FABP6: variants seen among roughly 807,000 people sequenced by gnomAD.
The protein encoded by FABP6 is gastrotropin.
Under a neutral mutation model 14.9 loss-of-function variants are expected in FABP6, and 13 were observed. The observed-to-expected ratio is 0.87, with a 90% confidence interval of 0.57 to 1.39. The LOEUF (loss-of-function observed/expected upper bound fraction) is 1.39, where lower values mean the gene tolerates loss of function less well. Among genes scored for constraint, FABP6 ranks in the 40% most tolerant of loss-of-function variants. FABP6 has a pLI of 0.00. For missense variants in FABP6, 161 were observed against 167.2 expected, an observed-to-expected ratio of 0.96 and a Z score of 0.20; for synonymous variants, 75 against 63.6, an observed-to-expected ratio of 1.18 and a Z score of -0.85.
At chr5:160,197,921 C>CGTGTGTGTGTGTGTGT (rs34714032) in intron 1 of FABP6, 4,414 of 126,892 alleles carry the variant, frequency 0.035, 192 homozygotes, top group Middle Eastern at 0.084. Flanking sequence ...AAGGCTGCTT[C>CGTGTGTGTGTGTGTGT]GTGTGTGTGT....
chr5:160,209,624 A>G lies in FABP6; in HGVS notation c.52-4112A>G, dbSNP rs143086561. ...TGGTATTCTACAGAGAGTCCCCACC[A>G]GCAAGAAGCCTCTCACCAGTTGTGC... On this transcript the variant is annotated intron_variant, in intron 2 of 6. Transcript: ENST00000393980. 4.6e-3 allele frequency among the ~76,000 whole-genome samples: 701 copies of G among 152,348 alleles called. 6 individuals are homozygous for G. The highest frequency in any genetic ancestry group is 0.016 in the African/African-American group (669 of 41,588).
chr5:160,203,848 C>T (rs1176957843), intron 2 of FABP6, among the ~76,000 whole-genome samples: 2 of 152,018 alleles, frequency 1.3e-5, no homozygotes, highest in African/African-American at 4.8e-5. Flanking sequence ...ATTATAGGCA[C>T]GCGCCAACAT....
intron 1 of FABP6, among the ~76,000 whole-genome samples, chr5:160,193,421 G>C (rs1007595825): frequency 7.9e-5 from 12 of 152,254 alleles, no homozygotes; most frequent in Middle Eastern, 3.4e-3. Context: ...GGCTTCCACA[G>C]TGTGGAAGGG....
chr5:160,188,469 G>C (rs1436224721), intron 1 of FABP6, among the ~76,000 whole-genome samples: 1 of 152,206 alleles, frequency 6.6e-6, no homozygotes, highest in Non-Finnish European at 1.5e-5. Context: ...TTGCTCCAAA[G>C]CCAAAGAGCG....
intron 2 of FABP6, among the ~76,000 whole-genome samples, chr5:160,201,929 A>G (rs113571380): frequency 2.4e-4 from 36 of 152,170 alleles, no homozygotes; most frequent in Middle Eastern, 3.4e-3. Flanking sequence ...CACCCAGCTA[A>G]TTTTTGTATT....
At chr5:160,188,618 G>A (rs1166644936) in intron 1 of FABP6, among the ~76,000 whole-genome samples, 1 of 152,176 alleles carries the variant, frequency 6.6e-6, no homozygotes, top group East Asian at 1.9e-4. Context: ...GCCCGGAGGT[G>A]TCGCCCCTGG....
upstream of FABP6, chr5:160,228,803 T>C (rs2113135269): frequency 3.5e-6 from 1 of 287,188 alleles, no homozygotes; most frequent in South Asian, 3.5e-5. Flanking sequence ...ACTCATTGTT[T>C]CCTTTCATCA....
chr5:160,206,387 C>T (rs1759766236), intron 2 of FABP6, among the ~76,000 whole-genome samples: 1 of 151,998 alleles, frequency 6.6e-6, no homozygotes. Context: ...GAGATCATGC[C>T]ACTCCACTCC....
At chr5:160,227,860 C>A (rs1263484555), upstream of FABP6, among the ~76,000 whole-genome samples, 1 of 94,634 alleles carries the variant, frequency 1.1e-5, no homozygotes, top group Non-Finnish European at 2.3e-5. Flanking sequence ...GTCTGTCTGT[C>A]TGTCTGTCTG....
At chr5:160,231,077 G>C (rs898403324) in intron 1 of FABP6, among the ~76,000 whole-genome samples, 8 of 152,214 alleles carry the variant, frequency 5.3e-5, no homozygotes, top group African/African-American at 1.9e-4. Context: ...GACAGCTCAA[G>C]GGGACCCGTG....
At chr5:160,200,901 GCA>G (rs1759624247) in intron 2 of FABP6, among the ~76,000 whole-genome samples, 1 of 152,138 alleles carries the variant, frequency 6.6e-6, no homozygotes, top group African/African-American at 2.4e-5. Context: ...GTATGAACTG[GCA>G]CAATCTTCAT....
chr5:160,234,647 G>A (rs1227993882), intron 2 of FABP6, among the ~76,000 whole-genome samples, 173 bp from the exon 3 acceptor site: 2 of 151,956 alleles, frequency 1.3e-5, no homozygotes, highest in Non-Finnish European at 2.9e-5. Context: ...GGCTGGTCTC[G>A]AACTCCTGAC....
chr5:160,188,481 G>C lies in FABP6; in HGVS notation c.-59+1027G>C, dbSNP rs558716112. On this transcript the variant is annotated intron_variant, in intron 1 of 6. Coordinates refer to the FABP6 transcript ENST00000393980. ...CCCTTGCTCCAAAGCCAAAGAGCGGGAAACAGGAACTGCAGGGAGGCCACT... is the reference window on the plus strand; with the variant it reads ...CCCTTGCTCCAAAGCCAAAGAGCGGCAAACAGGAACTGCAGGGAGGCCACT... Among the ~76,000 whole-genome samples, 10 of 152,318 alleles carry C rather than the reference G, an allele frequency of 6.6e-5. No homozygotes were observed. The East Asian group carries it at 1.9e-3, about 29-fold the overall frequency.
intron 2 of FABP6, among the ~76,000 whole-genome samples, chr5:160,201,023 G>A (rs1016553615): frequency 1.3e-4 from 20 of 152,224 alleles, no homozygotes; most frequent in East Asian, 3.9e-4. Flanking sequence ...ACATATTTGC[G>A]TGCATTTATA....
At chr5:160,192,559 T>A (rs1759418215) in intron 1 of FABP6, among the ~76,000 whole-genome samples, 1 of 152,196 alleles carries the variant, frequency 6.6e-6, no homozygotes, top group African/African-American at 2.4e-5. Context: ...CCCCTCTCTA[T>A]GGGAAATCAT....
chr5:160,214,529 G>A (rs1298207776), intron 3 of FABP6, among the ~76,000 whole-genome samples: 1 of 150,648 alleles, frequency 6.6e-6, no homozygotes, highest in African/African-American at 2.4e-5. Context: ...GCCCATGCTG[G>A]TCTCGAACTT....
chr5:160,197,921 C>CGTGTGTGT (rs34714032), intron 1 of FABP6: 1,947 of 127,100 alleles, frequency 0.015, 65 homozygotes, highest in Non-Finnish European at 0.021. Context: ...AAGGCTGCTT[C>CGTGTGTGT]GTGTGTGTGT....
chr5:160,207,204 G>A (rs1759786563), intron 2 of FABP6, among the ~76,000 whole-genome samples: 1 of 152,210 alleles, frequency 6.6e-6, no homozygotes, highest in Non-Finnish European at 1.5e-5. Context: ...AGGGAAATGG[G>A]CAAGGGCCAC....
chr5:160,195,076 A>C (rs1759482354), intron 1 of FABP6, among the ~76,000 whole-genome samples: 1 of 152,040 alleles, frequency 6.6e-6, no homozygotes, highest in Non-Finnish European at 1.5e-5. Context: ...CTTGAGGTCA[A>C]GAGTTTGAGA....
Sources: gnomAD v4.1 joint callset for allele counts (sites outside exome capture counted in the v4.1 genomes callset) on GRCh38, gnomAD v4.1.1 for gene constraint, MANE v1.5 for transcripts, NCBI Gene and HGNC (gene_info 2026-07-23, HGNC 2026-07-21) for gene names.